The following CAPN10 variants were observed in gnomAD, a reference collection of about 807,000 sequenced individuals.
CAPN10 encodes calpain-10.
In CAPN10, 71 loss-of-function variants were observed where a neutral mutation model predicts 78.4. The observed-to-expected ratio is 0.91, with a 90% CI of 0.75 to 1.10. CAPN10 has a LOEUF of 1.10. Among genes scored for constraint, CAPN10 ranks in the 50% least tolerant of loss-of-function variants. The pLI, the probability that CAPN10 is intolerant of heterozygous loss-of-function variation, is 0.00. For missense variants in CAPN10, 849 were observed against 924.6 expected, an observed-to-expected ratio of 0.92 and a Z score of 1.06; for synonymous variants, 437 against 407.2, an observed-to-expected ratio of 1.07 and a Z score of -0.88.
Position 240,598,690 on chromosome 2 carries a change from C to A in CAPN10, c.*10C>A. On this transcript the variant is annotated 3_prime_UTR_variant, in exon 12 of 12. Coordinates refer to ENST00000391984, the MANE Select transcript of CAPN10 (RefSeq NM_023083.4). ...AGTGATGAAAACCTAACAGGGTGGCCCCCTGTGCCAGCTCAGGTGACTGGA... is the reference window on the plus strand; with the variant it reads ...AGTGATGAAAACCTAACAGGGTGGCACCCTGTGCCAGCTCAGGTGACTGGA... The A allele has an allele frequency of 6.4e-7, 1 of 1,571,654 alleles. No homozygotes were observed. Among genetic ancestry groups the A allele is most frequent in the Non-Finnish European group, 8.6e-7 (1 of 1,158,452 alleles).
chr2:240,589,675 C>A (rs1242395144), intron 2 of CAPN10: 4 of 669,050 alleles, frequency 6.0e-6, no homozygotes, highest in Non-Finnish European at 9.8e-6. Flanking sequence ...GGTGCCTTGG[C>A]CTCGCCAGAA....
chr2:240,589,665 G>A (rs1035485692), intron 2 of CAPN10, 191 bp downstream of exon 2: 2 of 736,588 alleles, frequency 2.7e-6, no homozygotes, highest in Non-Finnish European at 4.3e-6. Flanking sequence ...TGCAGGGGGG[G>A]GTGCCTTGGC....
At chr2:240,595,611 G>A (rs1345210802) in intron 7 of CAPN10, among the ~76,000 whole-genome samples, 1 of 152,248 alleles carries the variant, frequency 6.6e-6, no homozygotes, top group Non-Finnish European at 1.5e-5. Context: ...TGGCAGCGCC[G>A]TGCCTTTCTG....
chr2:240,590,396 TG>T (rs2093094039), intron 2 of CAPN10: 1 of 157,576 alleles, frequency 6.3e-6, no homozygotes, highest in Non-Finnish European at 1.4e-5. Flanking sequence ...CTCATGCCCT[TG>T]AATGTCACAT....
chr2:240,587,085 T>A (rs1379778292), intron 1 of CAPN10, 33 bp downstream of exon 1: 53 of 1,329,136 alleles, frequency 4.0e-5, no homozygotes, highest in Non-Finnish European at 5.0e-5. Flanking sequence ...GGGCGCCGTT[T>A]CTGGTTTCTG....
In CAPN10 at chr2:240,594,619, GT is replaced by G. The variant is rs1316510153; in HGVS notation, c.908del (p.Val303GlyfsTer125). 9 of 1,614,052 alleles carry G rather than the reference GT, an allele frequency of 5.6e-6. No individual in the cohort carries two copies. The highest frequency in any genetic ancestry group is 7.6e-6 in the Non-Finnish European group (9 of 1,180,002). Reference sequence around the variant, plus strand: ...CCAGCTCCAGGAAGGGGAGTTCTGGGTGGAGGAGGAGGAGTTCCTCAGGGAG... The same window carrying G: ...CCAGCTCCAGGAAGGGGAGTTCTGGGGGAGGAGGAGGAGTTCCTCAGGGAG... ...LSQLQEGEFW[V>X]EEEEFLREFD... On this transcript the variant is annotated frameshift_variant, in exon 6 of 12. Transcript: ENST00000391984. LOFTEE classifies it high-confidence loss of function.
intron 4 of CAPN10, chr2:240,592,789 G>A (rs555931828): frequency 1.4e-5 from 3 of 219,368 alleles, no homozygotes; most frequent in South Asian, 5.8e-5. Context: ...TCAAATGTTC[G>A]CCCCATGAGC....
chr2:240,596,791 G>A lies in CAPN10; in HGVS notation c.1592G>A (p.Gly531Asp), dbSNP rs1182221065. The change falls in exon 9 of 12, where the codon GGC (glycine) becomes GAC (aspartate). Residue 531 changes from glycine (G) to aspartate (D), a missense_variant. Transcript: ENST00000391984. Reference protein sequence around the residue: ...GSWRVGQTAGGSRNFASYPTN... With the variant: ...GSWRVGQTAGDSRNFASYPTN... ...TGGAGAGTCGGCCAGACGGCGGGGG[G>A]CAGCAGGAACTTTGCCTCATACCCC... The A allele has an allele frequency of 3.1e-6, 5 of 1,612,768 alleles. No homozygotes were observed. Among genetic ancestry groups the A allele is most frequent in the African/African-American group, 1.3e-5 (1 of 74,946 alleles).
chr2:240,592,528 G>T, intron 4 of CAPN10: 4 of 480,644 alleles, frequency 8.3e-6, no homozygotes, highest in South Asian at 6.2e-5. Flanking sequence ...AATGAAAGGG[G>T]CCAGGTGTGG....
intron 2 of CAPN10, chr2:240,590,547 G>A (rs988622026): frequency 5.3e-5 from 20 of 379,538 alleles, no homozygotes; most frequent in Non-Finnish European, 6.4e-5. Context: ...CTGTGCAGGC[G>A]CCGACATCCA....
chr2:240,597,043 A>G (rs2093141497), intron 9 of CAPN10, 101 bp downstream of exon 9: 3 of 1,445,534 alleles, frequency 2.1e-6, no homozygotes, highest in Non-Finnish European at 2.9e-6. Context: ...GGGCTCAGTC[A>G]CTTGGGCTCC....
intron 4 of CAPN10, 51 bp downstream of exon 4, chr2:240,592,201 G>A: frequency 6.8e-7 from 1 of 1,464,666 alleles, no homozygotes; most frequent in Non-Finnish European, 9.3e-7. Flanking sequence ...GCCCCCCACT[G>A]CCAGGCCTCA....
Position 240,596,837 on chromosome 2 carries a change from C to T in CAPN10, c.1638C>T (p.Phe546=), listed in dbSNP as rs2093140182. Residue 546 remains phenylalanine, a synonymous_variant, in exon 9 of 12, where the codon TTC becomes TTT. Coordinates refer to ENST00000391984, the MANE Select transcript of CAPN10 (RefSeq NM_023083.4). ...ASYPTNPCFP[F]SVPEGPGPRC... is the part of the protein sequence containing the mutation. Reference sequence around the variant, plus strand: ...ACCCCACCAACCCCTGCTTCCCCTTCTCGGTCCCCGAGGGCCCTGGCCCCC... The same window carrying T: ...ACCCCACCAACCCCTGCTTCCCCTTTTCGGTCCCCGAGGGCCCTGGCCCCC... 5 of 1,613,568 alleles carry T rather than the reference C, an allele frequency of 3.1e-6. No homozygotes were observed. The highest frequency in any genetic ancestry group is 4.2e-6 in the Non-Finnish European group (5 of 1,180,020).
In CAPN10 at chr2:240,594,498, A is replaced by C. The variant is rs1476863152; in HGVS notation, c.831-45A>C. 3 of 1,578,358 alleles carry C rather than the reference A, an allele frequency of 1.9e-6. No individual in the cohort carries two copies. In the East Asian group the frequency reaches 6.8e-5, roughly 36 times the overall value. On this transcript the variant is annotated intron_variant, in intron 5 of 11. Coordinates refer to ENST00000391984, the MANE Select transcript of CAPN10 (RefSeq NM_023083.4). ...CCCAGCCTGCCGGCAAGTTGACACT[A>C]CCAGTTCTCGGGAGGGGCTTCTGCT...
chr2:240,590,708 G>A, intron 2 of CAPN10, 107 bp from the exon 3 acceptor site: 1 of 958,166 alleles, frequency 1.0e-6, no homozygotes, highest in East Asian at 2.6e-5. Flanking sequence ...GCAGACCGCG[G>A]TGCCTGTGGA....
At chr2:240,591,204 C>T (rs952956435) in intron 3 of CAPN10, 193 bp downstream of exon 3, 1 of 581,162 alleles carries the variant, frequency 1.7e-6, no homozygotes, top group Non-Finnish European at 3.0e-6. Context: ...TGTGGATTGC[C>T]CACTCCCTGC....
rs1398353880 is a variant in CAPN10, at chr2:240,594,591, G to T, written c.879G>T (p.Leu293=). ...ATGCAGCGGTAGCATCTGAGCTCCT[G>T]TCCCAGCTCCAGGAAGGGGAGTTCT... ...QVDAAVASEL[L]SQLQEGEFWV... is the part of the protein sequence containing the mutation. Residue 293 remains leucine, a synonymous_variant, in exon 6 of 12, where the codon CTG becomes CTT. Coordinates refer to ENST00000391984, the MANE Select transcript of CAPN10 (RefSeq NM_023083.4). The T allele has an allele frequency of 3.7e-6, 6 of 1,613,968 alleles. No individual in the cohort carries two copies. The South Asian group carries it at 6.6e-5, about 18-fold the overall frequency.
chr2:240,597,754 A>G, intron 9 of CAPN10, 134 bp from the exon 10 acceptor site: 1 of 816,254 alleles, frequency 1.2e-6, no homozygotes. Flanking sequence ...TCCAGTGTCC[A>G]GGCCTGGCAG....
Position 240,586,773 on chromosome 2 carries a change from C to G in CAPN10, c.-139C>G. The G allele has an allele frequency of 3.8e-6, 3 of 794,082 alleles. No homozygotes were observed. Among genetic ancestry groups the G allele is most frequent in the Non-Finnish European group, 5.2e-6 (3 of 577,944 alleles). 49.2% of individuals were successfully genotyped at this position (794,082 alleles called of 1,614,324 possible). A position where few individuals can be genotyped will look rare whatever the true frequency, so the allele number is the denominator to read the frequency against. ...GCGTACTGGCCTGGTCCAGCACCTG[C>G]GGGGCCCTCGGGCTTGGAGGGCTGG... On this transcript the variant is annotated 5_prime_UTR_variant, in exon 1 of 12. Coordinates refer to ENST00000391984, the MANE Select transcript of CAPN10 (RefSeq NM_023083.4).
Sources: gnomAD v4.1 joint callset for allele counts (sites outside exome capture counted in the v4.1 genomes callset) on GRCh38, gnomAD v4.1.1 for gene constraint, MANE v1.5 for transcripts, NCBI Gene and HGNC (gene_info 2026-07-23, HGNC 2026-07-21) for gene names.